Variants in SGSM2 observed in about 807,000 individuals in gnomAD.
SGSM2 encodes RUN and TBC1 domain containing 1.
SGSM2 carries 89 observed loss-of-function variants against 126.6 expected under a neutral mutation model. The ratio of observed to expected loss-of-function variants is 0.70; its 90% CI spans 0.59 to 0.84. The LOEUF (loss-of-function observed/expected upper bound fraction) is 0.84. Ranked by LOEUF, SGSM2 falls within the 40% of genes least tolerant of loss-of-function variation. The probability of loss-of-function intolerance (pLI) is 0.00; values close to 1 mark genes in which losing one functional copy is unlikely to be tolerated. For missense variants in SGSM2, 1,404 were observed against 1,416.6 expected (o/e 0.99, Z 0.14); for synonymous variants, 614 against 574.3 (o/e 1.07, Z -0.99).
At chr17:2,342,997 C>T (rs1384814344) in intron 1 of SGSM2, among the ~76,000 whole-genome samples, 1 of 152,074 alleles carries the variant, frequency 6.6e-6, no homozygotes, top group Admixed American at 6.6e-5. Flanking sequence ...GACTGTTTAC[C>T]TTACAAGGTA....
chr17:2,379,511 G>T lies in SGSM2; in HGVS notation c.3147G>T (p.Glu1049Asp). 1 of 1,611,986 alleles carries T rather than the reference G, an allele frequency of 6.2e-7. No homozygotes were observed. The highest frequency in any genetic ancestry group is 8.5e-7 in the Non-Finnish European group (1 of 1,178,514). ...TCCACAAGGTGCAGATGCTCATAGA[G>T]AACAAGTGAGCTGGGGCCAGGAGGC... is the stretch of plus-strand genomic sequence containing the variant. Reference protein sequence around the residue: ...DLVHKVQMLIENK With the variant: ...DLVHKVQMLIDNK The change falls in exon 24 of 24, where the codon GAG becomes GAT. Residue 1049 changes from glutamate (E) to aspartate (D), a missense_variant. By Grantham distance (45) the Glu-to-Asp change is conservative. Coordinates refer to ENST00000268989, the MANE Select transcript of SGSM2 (RefSeq NM_014853.3).
chr17:2,373,115 A>G (rs1361738953), intron 16 of SGSM2, 34 bp downstream of exon 16: 4 of 1,576,180 alleles, frequency 2.5e-6, no homozygotes, highest in Non-Finnish European at 3.5e-6. Flanking sequence ...GGCTGATGAG[A>G]TGGGGAGCTG....
Position 2,375,540 on chromosome 17 carries a change from G to T in SGSM2, c.2149G>T (p.Glu717Ter). The change falls in exon 18 of 24, where the codon GAA becomes TAA. Residue 717 changes from glutamate (E) to a stop codon, truncating the protein, a stop_gained. Coordinates refer to ENST00000268989, the MANE Select transcript of SGSM2 (RefSeq NM_014853.3). LOFTEE classifies it high-confidence loss of function. ...GGAACCCCCGGAGCCCCAGGACCCTGAAGATTCCAGACCAAAACCTGAGCA... is the reference window on the plus strand; with the variant it reads ...GGAACCCCCGGAGCCCCAGGACCCTTAAGATTCCAGACCAAAACCTGAGCA... ...DLEPPEPQDP[E>*]DSRPKPEQEA... The T allele has an allele frequency of 6.2e-7, 1 of 1,613,610 alleles. No individual in the cohort carries two copies. Among genetic ancestry groups the T allele is most frequent in the Non-Finnish European group, 8.5e-7 (1 of 1,179,954 alleles).
In SGSM2 at chr17:2,343,636, A is replaced by C; in HGVS notation, c.133+16A>C. The C allele has an allele frequency of 6.2e-7, 1 of 1,612,726 alleles. No homozygotes were observed. Among genetic ancestry groups the C allele is most frequent in the South Asian group, 1.1e-5 (1 of 91,060 alleles). On this transcript the variant is annotated intron_variant, in intron 2 of 23. Transcript: ENST00000268989. ...GCTTTATGTGGTGAGTGAGTGACTGAAGGATGATGGGAGGTCGGTCTAGAG... is the reference window on the plus strand; with the variant it reads ...GCTTTATGTGGTGAGTGAGTGACTGCAGGATGATGGGAGGTCGGTCTAGAG...
chr17:2,370,360 G>C (rs900110514), intron 12 of SGSM2, among the ~76,000 whole-genome samples: 3 of 152,250 alleles, frequency 2.0e-5, no homozygotes, highest in East Asian at 1.9e-4. Flanking sequence ...GGAAGCTCTC[G>C]AGGGTCTTGA....
chr17:2,373,554 C>A, intron 17 of SGSM2, 41 bp downstream of exon 17: 1 of 1,551,734 alleles, frequency 6.4e-7, no homozygotes, highest in Non-Finnish European at 8.7e-7. Flanking sequence ...GTCTCGGGGG[C>A]CACCCGCGTT....
At chr17:2,338,832 G>A (rs2064212795) in intron 1 of SGSM2, among the ~76,000 whole-genome samples, 1 of 146,678 alleles carries the variant, frequency 6.8e-6, no homozygotes, top group Admixed American at 7.0e-5. Flanking sequence ...GCCTAGGTGG[G>A]TGGATCACCT....
chr17:2,375,473 C>T lies in SGSM2; in HGVS notation c.2101-19C>T, dbSNP rs755950853. 18 of 1,589,578 alleles carry T rather than the reference C, an allele frequency of 1.1e-5. No homozygotes were observed. In the Admixed American group the frequency reaches 1.4e-4, roughly 12 times the overall value. Reference sequence around the variant, plus strand: ...AGGTGCTGGAGTGCAGGTGGAGCCGCCCTGTGTTCACCCCCCAGGTGTTTA... The same window carrying T: ...AGGTGCTGGAGTGCAGGTGGAGCCGTCCTGTGTTCACCCCCCAGGTGTTTA... On this transcript the variant is annotated intron_variant, in intron 17 of 23. Coordinates refer to ENST00000268989, the MANE Select transcript of SGSM2 (RefSeq NM_014853.3).
Position 2,352,767 on chromosome 17 carries a change from CTTTT to C in SGSM2, c.134-8845_134-8842del, listed in dbSNP as rs71150860. Among the ~76,000 whole-genome samples the C allele has an allele frequency of 1.2e-3, 104 of 85,968 alleles. 1 individual carries two copies. The highest frequency in any genetic ancestry group is 3.7e-3 in the African/African-American group (99 of 26,838). The allele number at this position is 85,968 out of a possible 152,430, so 56.4% of individuals were successfully genotyped here. ...ACCCTCCTAACCACTGCTGCATTTT[CTTTT>C]TTTTTTTTTTTTTTTTTTTTTTTTG... On this transcript the variant is annotated intron_variant, in intron 2 of 23. Transcript: ENST00000268989.
intron 18 of SGSM2, 95 bp downstream of exon 18, chr17:2,375,970 G>T: frequency 2.0e-6 from 3 of 1,501,148 alleles, no homozygotes; most frequent in Non-Finnish European, 8.8e-7. Context: ...AAGGCGGGGC[G>T]CCCTGACTGC....
At chr17:2,376,863 G>C in intron 20 of SGSM2, 48 bp downstream of exon 20, 1 of 1,612,074 alleles carries the variant, frequency 6.2e-7, no homozygotes, top group Non-Finnish European at 8.5e-7. Context: ...CTGGAGAAAG[G>C]ACGAGAGGGT....
chr17:2,345,574 T>C (rs372577739), intron 2 of SGSM2, among the ~76,000 whole-genome samples: 202 of 135,870 alleles, frequency 1.5e-3, no homozygotes, highest in Admixed American at 2.9e-3. Context: ...CCAGCCTGGG[T>C]GACAGAGCGA....
intron 11 of SGSM2, among the ~76,000 whole-genome samples, chr17:2,366,107 A>G (rs916956148): frequency 6.6e-6 from 1 of 152,104 alleles, no homozygotes; most frequent in African/African-American, 2.4e-5. Flanking sequence ...CCCTCCTCAA[A>G]CCAACTACTG....
chr17:2,356,928 G>A (rs2065104971), intron 2 of SGSM2, among the ~76,000 whole-genome samples: 1 of 138,584 alleles, frequency 7.2e-6, no homozygotes, highest in South Asian at 2.6e-4. Context: ...TAAGGGTTGG[G>A]GGAAGGGACC....
At chr17:2,365,894 C>T (rs539955763) in intron 11 of SGSM2, among the ~76,000 whole-genome samples, 3 of 152,042 alleles carry the variant, frequency 2.0e-5, no homozygotes, top group African/African-American at 7.2e-5. Context: ...TACAGGCGCA[C>T]ACCTCCATGC....
At chr17:2,376,605 G>A (rs1185970494) in intron 19 of SGSM2, 128 bp from the exon 20 acceptor site, 4 of 1,026,280 alleles carry the variant, frequency 3.9e-6, no homozygotes, top group Admixed American at 1.8e-5. Context: ...GGGGTGCACA[G>A]TACATGCCTT....
chr17:2,372,211 TGA>T lies in SGSM2; in HGVS notation c.1603_1604del (p.Ser535TyrfsTer34), dbSNP rs759067945. On this transcript the variant is annotated frameshift_variant, in exon 14 of 24. Coordinates refer to ENST00000268989, the MANE Select transcript of SGSM2 (RefSeq NM_014853.3). LOFTEE classifies it high-confidence loss of function. The surrounding 1 kb of genome is among the most constrained non-coding windows in gnomAD (Gnocchi z 6.0). ...ACAGGTTGCCGCTCAGGCTACTGTG[TGA>T]GAGTATGAAGAGGCAGATCGTGTCC... ...PDRLPLRLLC[E>X]SMKRQIVSRA... 5.0e-6 allele frequency: 8 copies of T among 1,613,156 alleles called. No homozygotes were observed. Among genetic ancestry groups the T allele is most frequent in the Admixed American group, 1.7e-5 (1 of 60,012 alleles).
In SGSM2 at chr17:2,373,411, G is replaced by C; in HGVS notation, c.1998G>C (p.Glu666Asp). Residue 666 changes from glutamate to aspartate, a missense_variant, in exon 17 of 24, where the codon GAG becomes GAC. Glu to Asp is a conservative substitution (Grantham distance 45). Coordinates refer to ENST00000268989, the MANE Select transcript of SGSM2 (RefSeq NM_014853.3). ...GCGAGGTGGTGGTGAGGCAGCGGGA[G>C]CGGGAGGCCCACCCAGCCACACGCA... is the stretch of plus-strand genomic sequence containing the variant. ...KACEVVVRQR[E>D]REAHPATRTK... is the part of the protein sequence containing the mutation. The C allele has an allele frequency of 1.2e-6, 2 of 1,612,326 alleles. No individual in the cohort carries two copies. The highest frequency in any genetic ancestry group is 1.7e-6 in the Non-Finnish European group (2 of 1,180,000).
Position 2,343,609 on chromosome 17 carries a change from T to C in SGSM2, c.122T>C (p.Ile41Thr), listed in dbSNP as rs2151478582. 6.2e-7 allele frequency: 1 copy of C among 1,613,972 alleles called. No individual in the cohort carries two copies. Among genetic ancestry groups the C allele is most frequent in the Middle Eastern group, 1.7e-4 (1 of 6,044 alleles). Residue 41 changes from isoleucine (I) to threonine (T), a missense_variant, in exon 2 of 24, where the codon ATT (isoleucine) becomes ACT (threonine). By Grantham distance (89) the Ile-to-Thr change is moderately conservative (BLOSUM62 -1). Transcript: ENST00000268989. ...GTGCATGAAGACAGCAGCCACATCA[T>C]TGCTTTATGTGGTGAGTGAGTGACT... ...KFVHEDSSHI[I>T]ALCGAVEACL... is the part of the protein sequence containing the mutation.
Sources: gnomAD v4.1 joint callset for allele counts (sites outside exome capture counted in the v4.1 genomes callset) on GRCh38, gnomAD v4.1.1 for gene constraint, Gnocchi (gnomAD v3.1) non-coding constraint, MANE v1.5 for transcripts, NCBI Gene and HGNC (gene_info 2026-07-23, HGNC 2026-07-21) for gene names.